Variants in FSTL5 observed in about 807,000 individuals in gnomAD.
FSTL5 encodes follistatin like 5, also known as follistatin-related protein 5.
FSTL5 carries 62 observed loss-of-function variants against 89.1 expected under a neutral mutation model. The observed-to-expected ratio is 0.70, with a 90% CI of 0.57 to 0.86. The LOEUF (loss-of-function observed/expected upper bound fraction) is 0.86, where lower values mean the gene tolerates loss of function less well. Among genes scored for constraint, FSTL5 ranks in the 40% least tolerant of loss-of-function variants. The probability of loss-of-function intolerance (pLI) is 0.00; values close to 1 mark genes in which losing one functional copy is unlikely to be tolerated. For synonymous variants in FSTL5, 383 were observed against 346.2 expected (o/e 1.11, Z -1.18); for missense variants, 1,057 against 1,001.6 (o/e 1.06, Z -0.75).
rs1316204933 is a variant in FSTL5 at position 161,473,474 on chromosome 4, G to A, written c.1608+7546C>T. On this transcript the variant is annotated intron_variant, in intron 13 of 15. Coordinates refer to ENST00000306100, the MANE Select transcript of FSTL5 (RefSeq NM_020116.5). ...AGAGTCCCACTCTGTCTCCCAGGCT[G>A]GAGTGCAGTGGCACAACCAAAGGTC... is the stretch of plus-strand genomic sequence containing the variant. 5.9e-5 allele frequency among the ~76,000 whole-genome samples: 8 copies of A among 135,200 alleles called. No homozygotes were observed. The Admixed American group carries it at 6.6e-4, about 11-fold the overall frequency. The allele number at this position is 135,200 out of a possible 152,430, so 88.7% of individuals were successfully genotyped here.
intron 7 of FSTL5, among the ~76,000 whole-genome samples, chr4:161,593,788 G>A (rs1202841039): frequency 6.6e-6 from 1 of 152,068 alleles, no homozygotes; most frequent in African/African-American, 2.4e-5. Flanking sequence ...AAAGCCTTAT[G>A]AGCTACACAA....
intron 6 of FSTL5, among the ~76,000 whole-genome samples, chr4:161,743,659 T>C (rs1740100241): frequency 6.6e-6 from 1 of 152,190 alleles, no homozygotes; most frequent in Admixed American, 6.5e-5. Flanking sequence ...TTAACAATAC[T>C]AAGTCTTGCA....
At chr4:161,484,224 C>T (rs942694154) in intron 12 of FSTL5, among the ~76,000 whole-genome samples, 1 of 151,834 alleles carries the variant, frequency 6.6e-6, no homozygotes, top group African/African-American at 2.4e-5. Context: ...CTTTAAATTC[C>T]AATCTTTCCT....
intron 4 of FSTL5, among the ~76,000 whole-genome samples, chr4:161,817,739 T>C (rs1384175274): frequency 1.4e-5 from 2 of 145,416 alleles, no homozygotes; most frequent in Admixed American, 6.7e-5. Context: ...TGTGCACACA[T>C]GTGTGTATTT....
chr4:162,033,675 A>C lies in FSTL5; in HGVS notation c.127-17T>G, dbSNP rs1419271720. 1 of 1,381,830 alleles carries C rather than the reference A, an allele frequency of 7.2e-7. No homozygotes were observed. The highest frequency in any genetic ancestry group is 2.0e-5 in the Admixed American group (1 of 50,662). 85.6% of individuals were successfully genotyped at this position (1,381,830 alleles called of 1,614,324 possible). A position where few individuals can be genotyped will look rare whatever the true frequency, so the allele number is the denominator to read the frequency against. On this transcript the variant is annotated splice_polypyrimidine_tract_variant and intron_variant, in intron 2 of 15. Transcript: ENST00000306100. ...TTTTTCCTGCTGGAAATAAAACAGA[A>C]AATAGGTCAAAATATGTAAGTAAAT...
At chr4:161,522,750 C>A (rs975355354) in intron 10 of FSTL5, among the ~76,000 whole-genome samples, 2 of 151,274 alleles carry the variant, frequency 1.3e-5, no homozygotes, top group Non-Finnish European at 2.9e-5. Flanking sequence ...TACCTAGATA[C>A]AAGAATAAAC....
intron 2 of FSTL5, among the ~76,000 whole-genome samples, chr4:162,058,533 T>C (rs553112657): frequency 0.021 from 117 of 5,636 alleles, 1 homozygote; most frequent in Non-Finnish European, 0.03. Context: ...TTCAAGCAAT[T>C]CTCCTGCTTC....
intron 4 of FSTL5, among the ~76,000 whole-genome samples, chr4:161,847,678 A>G (rs566489537): frequency 6.6e-6 from 1 of 152,260 alleles, no homozygotes; most frequent in East Asian, 1.9e-4. Context: ...TTACTTCAGC[A>G]TTCGTAATTA....
intron 13 of FSTL5, among the ~76,000 whole-genome samples, chr4:161,473,820 C>A (rs1486905267): frequency 1.3e-5 from 2 of 152,106 alleles, no homozygotes; most frequent in East Asian, 3.9e-4. Flanking sequence ...CCTTTTCAAT[C>A]CCTTATCTTT....
chr4:161,895,660 C>A (rs1733133318), intron 4 of FSTL5, among the ~76,000 whole-genome samples: 1 of 152,090 alleles, frequency 6.6e-6, no homozygotes, highest in Non-Finnish European at 1.5e-5. Flanking sequence ...ATAATAATGT[C>A]AATGATTATA....
At chr4:161,724,133 C>CA in intron 6 of FSTL5, among the ~76,000 whole-genome samples, 1 of 151,806 alleles carries the variant, frequency 6.6e-6, no homozygotes, top group South Asian at 2.1e-4. Context: ...TTTGATAATG[C>CA]AAAAATCAAA....
intron 3 of FSTL5, among the ~76,000 whole-genome samples, chr4:162,017,820 C>G (rs1736956044): frequency 6.6e-6 from 1 of 152,158 alleles, no homozygotes; most frequent in Non-Finnish European, 1.5e-5. Flanking sequence ...CATGGTTCTT[C>G]CAGAGTCCCT....
At chr4:161,926,128 A>G (rs183974322) in intron 3 of FSTL5, among the ~76,000 whole-genome samples, 40 of 152,024 alleles carry the variant, frequency 2.6e-4, no homozygotes, top group Middle Eastern at 3.4e-3. Flanking sequence ...TCAAGTAAAT[A>G]CTGGAATGCC....
intron 3 of FSTL5, among the ~76,000 whole-genome samples, chr4:161,987,275 T>A (rs1735989234): frequency 6.6e-6 from 1 of 152,066 alleles, no homozygotes; most frequent in African/African-American, 2.4e-5. Context: ...GGTGGCTGTT[T>A]TTATTTGTTT....
At chr4:162,033,449 A>G (rs1312816767) in intron 3 of FSTL5, among the ~76,000 whole-genome samples, 176 bp downstream of exon 3, 2 of 152,008 alleles carry the variant, frequency 1.3e-5, no homozygotes, top group African/African-American at 4.8e-5. Context: ...AACAGAGAAT[A>G]CCCTTTGGCC....
At chr4:162,107,244 A>T (rs2111398088) in intron 2 of FSTL5, among the ~76,000 whole-genome samples, 1 of 152,330 alleles carries the variant, frequency 6.6e-6, no homozygotes, top group South Asian at 2.1e-4. Flanking sequence ...CTGTGACATT[A>T]AGAAATTAGT....
At chr4:162,091,615 C>A (rs1334465220) in intron 2 of FSTL5, among the ~76,000 whole-genome samples, 1 of 152,096 alleles carries the variant, frequency 6.6e-6, no homozygotes, top group Non-Finnish European at 1.5e-5. Flanking sequence ...TATTGGAGTT[C>A]ATCCTCCAAG....
intron 8 of FSTL5, among the ~76,000 whole-genome samples, chr4:161,553,369 G>A (rs72685751): frequency 0.075 from 11,253 of 151,030 alleles, 532 homozygotes; most frequent in Middle Eastern, 0.15. Flanking sequence ...ACCTAAAATG[G>A]AAGGAGATAC....
At chr4:161,711,473 C>G (rs1302483992) in intron 6 of FSTL5, among the ~76,000 whole-genome samples, 1 of 151,868 alleles carries the variant, frequency 6.6e-6, no homozygotes, top group African/African-American at 2.4e-5. Flanking sequence ...AAACAAAAAA[C>G]TCAATGGATA....
Sources: allele counts gnomAD v4.1 joint callset (sites outside exome capture counted in the v4.1 genomes callset), GRCh38; gene constraint gnomAD v4.1.1; transcripts MANE v1.5; gene names NCBI Gene and HGNC (gene_info 2026-07-23, HGNC 2026-07-21).